Variants in WASF1 observed in about 807,000 individuals in gnomAD.
WASF1 encodes the protein WASP family member 1.
WASF1 carries 7 observed loss-of-function variants against 50.5 expected under a neutral mutation model. That is an observed-to-expected ratio of 0.14 (90% confidence interval 0.08 to 0.26). The LOEUF is 0.26. Ranked by LOEUF, WASF1 falls within the 10% of genes least tolerant of loss-of-function variation. WASF1 has a pLI of 1.00. For synonymous variants in WASF1, 205 were observed against 244.0 expected (o/e 0.84, Z 1.49); for missense variants, 470 against 694.7 (o/e 0.68, Z 3.64).
intron 3 of WASF1, among the ~76,000 whole-genome samples, chr6:110,145,027 T>C (rs1456931884): frequency 6.6e-6 from 1 of 152,210 alleles, no homozygotes; most frequent in Non-Finnish European, 1.5e-5. Context: ...GGGATGGCAT[T>C]GAATCTATAA....
intron 4 of WASF1, among the ~76,000 whole-genome samples, chr6:110,113,675 A>G (rs931619831): frequency 6.6e-6 from 1 of 152,224 alleles, no homozygotes; most frequent in Non-Finnish European, 1.5e-5. Flanking sequence ...TTTAACTGTA[A>G]TAGTCCACTT....
chr6:110,146,951 T>C (rs928570956), intron 3 of WASF1, among the ~76,000 whole-genome samples: 2 of 152,162 alleles, frequency 1.3e-5, no homozygotes, highest in Non-Finnish European at 2.9e-5. Flanking sequence ...GTCATCATGC[T>C]GAACATCTCC....
intron 3 of WASF1, among the ~76,000 whole-genome samples, chr6:110,158,547 GCCATC>G (rs1776123546): frequency 6.6e-6 from 1 of 151,488 alleles, no homozygotes; most frequent in African/African-American, 2.4e-5. Flanking sequence ...ATCCTATTCG[GCCATC>G]TTGGCTCTTC....
At chr6:110,162,249 TGA>T (rs2114604777) in intron 2 of WASF1, among the ~76,000 whole-genome samples, 1 of 151,542 alleles carries the variant, frequency 6.6e-6, no homozygotes, top group East Asian at 1.9e-4. Flanking sequence ...TAGACTCTTC[TGA>T]GAGTCGACTC....
At chr6:110,117,972 T>G (rs1773887569) in intron 4 of WASF1, among the ~76,000 whole-genome samples, 1 of 152,014 alleles carries the variant, frequency 6.6e-6, no homozygotes, top group Admixed American at 6.6e-5. Flanking sequence ...CTGAGAGATT[T>G]TGTCACCACA....
At chr6:110,159,401 G>A (rs529835817) in intron 3 of WASF1, among the ~76,000 whole-genome samples, 20 of 151,994 alleles carry the variant, frequency 1.3e-4, no homozygotes, top group African/African-American at 4.3e-4. Flanking sequence ...GGGGATAACC[G>A]TGTGACACTG....
intron 2 of WASF1, among the ~76,000 whole-genome samples, chr6:110,174,028 A>G (rs779268581): frequency 3.3e-5 from 5 of 152,160 alleles, no homozygotes; most frequent in Non-Finnish European, 5.9e-5. Context: ...GGCCTTCCCC[A>G]ATAGACTTAA....
At chr6:110,134,035 G>C (rs1018358788) in intron 3 of WASF1, among the ~76,000 whole-genome samples, 20 of 152,092 alleles carry the variant, frequency 1.3e-4, no homozygotes, top group Admixed American at 1.3e-3. Flanking sequence ...CCAAGGTGGA[G>C]AGCAGTGGCA....
In WASF1 at chr6:110,124,217, C is replaced by CTCT. The variant is rs1258259081; in HGVS notation, c.133+3251_133+3252insAGA. On this transcript the variant is annotated intron_variant, in intron 4 of 10. Transcript: ENST00000392589. ...TCTCTCTCTCTCTCTCTCTCTCTCT[C>CTCT]CTCTCTCTCCTCTCTCTCCTCTCTC... 2.5e-3 allele frequency among the ~76,000 whole-genome samples: 163 copies of CTCT among 66,064 alleles called. 4 individuals carry two copies. The highest frequency in any genetic ancestry group is 0.011 in the African/African-American group (115 of 10,374). 43.3% of individuals were successfully genotyped at this position (66,064 alleles called of 152,430 possible).
At position 110,169,490 on chromosome 6, in the gene WASF1, G is replaced by A. The variant is rs1371437109; in HGVS notation, c.-126-8758C>T. 2.6e-5 allele frequency among the ~76,000 whole-genome samples: 4 copies of A among 152,002 alleles called. No homozygotes were observed. In the East Asian group the frequency reaches 7.7e-4, roughly 29 times the overall value. On this transcript the variant is annotated intron_variant, in intron 2 of 10. Coordinates refer to ENST00000392589, the MANE Select transcript of WASF1 (RefSeq NM_003931.3). ...AACTTTCAAATGTATGCAAATTGCT[G>A]GTAAAACAGTTGCATCTCATCAAAA...
At chr6:110,124,672 C>T (rs547203997) in intron 4 of WASF1, among the ~76,000 whole-genome samples, 193 of 152,058 alleles carry the variant, frequency 1.3e-3, no homozygotes, top group Admixed American at 3.2e-3. Context: ...TTTGGGAGGC[C>T]GAGGCGGGTG....
chr6:110,105,709 A>AAC, intron 7 of WASF1, 130 bp from the exon 8 acceptor site: 5 of 868,860 alleles, frequency 5.8e-6, no homozygotes, highest in Non-Finnish European at 8.7e-6. Context: ...AGTAAAAGTA[A>AAC]CACAGAAATG....
chr6:110,132,603 G>C (rs762121954), intron 3 of WASF1, among the ~76,000 whole-genome samples: 3 of 151,772 alleles, frequency 2.0e-5, no homozygotes, highest in Non-Finnish European at 4.4e-5. Context: ...AAGTTCTTTA[G>C]TGGTGATTTC....
chr6:110,145,321 A>C lies in WASF1; in HGVS notation c.-29+15314T>G, dbSNP rs568355314. 2.1e-4 allele frequency among the ~76,000 whole-genome samples: 32 copies of C among 152,188 alleles called. 1 individual carries two copies. The South Asian group carries it at 4.8e-3, about 23-fold the overall frequency. On this transcript the variant is annotated intron_variant, in intron 3 of 10. Transcript: ENST00000392589. Reference sequence around the variant, plus strand: ...TGCACATTGATTTTGTATCCTGAGAATTTGCTGAAGTTGCTTATCAGCTTA... The same window carrying C: ...TGCACATTGATTTTGTATCCTGAGACTTTGCTGAAGTTGCTTATCAGCTTA...
intron 2 of WASF1, among the ~76,000 whole-genome samples, chr6:110,175,120 A>T (rs1190405124): frequency 6.6e-6 from 1 of 152,098 alleles, no homozygotes; most frequent in African/African-American, 2.4e-5. Flanking sequence ...CCCGTATTTT[A>T]TGGGGCAATA....
At chr6:110,131,769 C>T (rs1774682794) in intron 3 of WASF1, among the ~76,000 whole-genome samples, 1 of 152,148 alleles carries the variant, frequency 6.6e-6, no homozygotes, top group Non-Finnish European at 1.5e-5. Flanking sequence ...TCCCAAAGTG[C>T]TAGAATTACA....
intron 10 of WASF1, 104 bp from the exon 11 acceptor site, chr6:110,100,783 G>A: frequency 2.5e-6 from 3 of 1,212,586 alleles, no homozygotes; most frequent in Non-Finnish European, 3.3e-6. Context: ...AATACTTATA[G>A]GAAAATAAAA....
At chr6:110,141,858 G>A (rs868456645) in intron 3 of WASF1, among the ~76,000 whole-genome samples, 5 of 150,618 alleles carry the variant, frequency 3.3e-5, no homozygotes, top group South Asian at 2.1e-4. Context: ...TGCAACCTCC[G>A]CAACCCAGGT....
At chr6:110,108,022 G>A (rs1664145806) in intron 6 of WASF1, among the ~76,000 whole-genome samples, 1 of 150,850 alleles carries the variant, frequency 6.6e-6, no homozygotes, top group Non-Finnish European at 1.5e-5. Flanking sequence ...ATTTAGCCGG[G>A]CTTGGTGGCA....
Sources: gnomAD v4.1 joint callset for allele counts (sites outside exome capture counted in the v4.1 genomes callset) on GRCh38, gnomAD v4.1.1 for gene constraint, MANE v1.5 for transcripts, NCBI Gene and HGNC (gene_info 2026-07-23, HGNC 2026-07-21) for gene names.